DPP6: variants seen among roughly 807,000 people sequenced by gnomAD.
The protein encoded by DPP6 is A-type potassium channel modulatory protein DPP6.
In DPP6, 69 loss-of-function variants were observed where a neutral mutation model predicts 122.6. That is an observed-to-expected ratio of 0.56 (90% CI 0.46 to 0.69). The LOEUF (loss-of-function observed/expected upper bound fraction) is 0.69. Among genes scored for constraint, DPP6 ranks in the 30% least tolerant of loss-of-function variants. The pLI is 0.00. For synonymous variants in DPP6, 418 were observed against 433.1 expected, an observed-to-expected ratio of 0.97 and a Z score of 0.43; for missense variants, 928 against 1,116.9, an observed-to-expected ratio of 0.83 and a Z score of 2.41.
chr7:154,056,886 A>G (rs548050470), intron 1 of DPP6, among the ~76,000 whole-genome samples: 1 of 152,318 alleles, frequency 6.6e-6, no homozygotes, highest in South Asian at 2.1e-4. Context: ...TTTCAACTGT[A>G]ATTTAAAATT....
chr7:154,017,619 G>T (rs971100177), intron 1 of DPP6, among the ~76,000 whole-genome samples: 2 of 151,080 alleles, frequency 1.3e-5, no homozygotes, highest in African/African-American at 4.9e-5. Context: ...AAGATTGCTT[G>T]AGCCCGGAAT....
At chr7:154,726,930 A>G (rs1842094537) in intron 7 of DPP6, among the ~76,000 whole-genome samples, 1 of 152,150 alleles carries the variant, frequency 6.6e-6, no homozygotes, top group African/African-American at 2.4e-5. Flanking sequence ...TGTCTATATC[A>G]CTATCAGCAT....
chr7:154,564,430 A>T (rs1474884981), intron 4 of DPP6, among the ~76,000 whole-genome samples: 1 of 152,224 alleles, frequency 6.6e-6, no homozygotes, highest in African/African-American at 2.4e-5. Flanking sequence ...TCAAAATTGG[A>T]GAAAAAACAC....
the DPP6 span, among the ~76,000 whole-genome samples, chr7:153,808,159 A>C: frequency 6.6e-6 from 1 of 152,090 alleles, no homozygotes. Context: ...AAGCTAAGGG[A>C]CATACCCATC....
At chr7:154,884,341 CCTA>C (rs1805877660) in intron 21 of DPP6, 1 of 133,750 alleles carries the variant, frequency 7.5e-6, no homozygotes, top group Non-Finnish European at 1.6e-5. Context: ...ATTACATACG[CCTA>C]CTCACACACA....
At chr7:153,764,312 C>T in the DPP6 span, among the ~76,000 whole-genome samples, 1 of 150,148 alleles carries the variant, frequency 6.7e-6, no homozygotes, top group Non-Finnish European at 1.5e-5. Flanking sequence ...TGCTCCTCTT[C>T]TGCACTCGCT....
rs1299829792 is a variant in DPP6, at chr7:154,055,305, AAAC to A, written c.243+2251_243+2253del. 4.5e-5 allele frequency among the ~76,000 whole-genome samples: 6 copies of A among 132,198 alleles called. No homozygotes were observed. In the East Asian group the frequency reaches 8.6e-4, roughly 19 times the overall value. The allele number at this position is 132,198 out of a possible 152,430, so 86.7% of individuals were successfully genotyped here. A position where few individuals can be genotyped will look rare whatever the true frequency, so the allele number is the denominator to read the frequency against. On this transcript the variant is annotated intron_variant, in intron 1 of 25. Coordinates refer to ENST00000377770, the MANE Select transcript of DPP6 (RefSeq NM_130797.4). ...ACAGGCTGAATGTTGCATCCTTTAA[AAAC>A]AACAACAAACTTTTATGCACTCTTC... is the stretch of plus-strand genomic sequence containing the variant.
intron 19 of DPP6, among the ~76,000 whole-genome samples, chr7:154,873,578 G>A (rs1804569141): frequency 6.6e-6 from 1 of 152,172 alleles, no homozygotes; most frequent in Non-Finnish European, 1.5e-5. Context: ...CTCCCTTCCT[G>A]AGGGCTGAGT....
chr7:154,147,852 T>C (rs2150677238), intron 1 of DPP6, among the ~76,000 whole-genome samples: 1 of 152,176 alleles, frequency 6.6e-6, no homozygotes, highest in African/African-American at 2.4e-5. Context: ...CCTATTAATT[T>C]CTGTATTTGA....
At chr7:154,677,406 G>A (rs930879862) in intron 7 of DPP6, among the ~76,000 whole-genome samples, 1 of 151,984 alleles carries the variant, frequency 6.6e-6, no homozygotes, top group Non-Finnish European at 1.5e-5. Context: ...TTTTGCACTC[G>A]TGCTGACTTA....
In DPP6 at chr7:154,648,127, G is replaced by C. The variant is rs554775544; in HGVS notation, c.680+10254G>C. ...AAAAAAAAATTAGCCGGGCATGGTG[G>C]TGGGTGCCTGTAATCCCAGCTACCT... On this transcript the variant is annotated intron_variant, in intron 6 of 25. Coordinates refer to ENST00000377770, the MANE Select transcript of DPP6 (RefSeq NM_130797.4). 3.3e-5 allele frequency among the ~76,000 whole-genome samples: 5 copies of C among 152,072 alleles called. 1 individual carries two copies. In the South Asian group the frequency reaches 1.0e-3, roughly 32 times the overall value.
intron 6 of DPP6, among the ~76,000 whole-genome samples, chr7:154,642,959 T>C (rs539190098): frequency 6.6e-6 from 1 of 152,332 alleles, no homozygotes; most frequent in Admixed American, 6.5e-5. Flanking sequence ...ATTTTGCATC[T>C]AGTGAGTGAT....
intron 1 of DPP6, among the ~76,000 whole-genome samples, chr7:153,970,686 T>A (rs1320598676): frequency 6.6e-6 from 1 of 152,220 alleles, no homozygotes; most frequent in East Asian, 1.9e-4. Context: ...AAAGTAAAGA[T>A]CAAGGATCAT....
At chr7:154,510,893 C>T (rs2129790450) in intron 3 of DPP6, among the ~76,000 whole-genome samples, 1 of 150,234 alleles carries the variant, frequency 6.7e-6, no homozygotes, top group South Asian at 2.1e-4. Context: ...CTCGTGCTCT[C>T]TCTCTCTCTC....
At chr7:153,913,885 T>G (rs1417352263) in intron 1 of DPP6, among the ~76,000 whole-genome samples, 1 of 152,136 alleles carries the variant, frequency 6.6e-6, no homozygotes, top group Non-Finnish European at 1.5e-5. Context: ...CTCTTAACAT[T>G]TGAAAATTAT....
chr7:154,407,478 G>A (rs970474392), intron 1 of DPP6, among the ~76,000 whole-genome samples: 4 of 152,156 alleles, frequency 2.6e-5, no homozygotes, highest in Middle Eastern at 3.2e-3. Context: ...TGCCTTTAAT[G>A]TAGATGTAGA....
chr7:154,608,819 C>G (rs930590972), intron 5 of DPP6, among the ~76,000 whole-genome samples: 4 of 152,178 alleles, frequency 2.6e-5, no homozygotes, highest in Non-Finnish European at 5.9e-5. Flanking sequence ...TTGACAACTA[C>G]CCCTCCCTTC....
At chr7:153,889,106 G>A (rs892291848) in intron 1 of DPP6, among the ~76,000 whole-genome samples, 1 of 152,260 alleles carries the variant, frequency 6.6e-6, no homozygotes, top group African/African-American at 2.4e-5. Context: ...AAGACACCTC[G>A]CAGGGAAGTA....
At chr7:153,776,786 C>T in the DPP6 span, among the ~76,000 whole-genome samples, 1 of 152,130 alleles carries the variant, frequency 6.6e-6, no homozygotes, top group African/African-American at 2.4e-5. Flanking sequence ...AAATTATAGA[C>T]TCACATGTAA....
Sources: gnomAD v4.1 joint callset for allele counts (sites outside exome capture counted in the v4.1 genomes callset) on GRCh38, gnomAD v4.1.1 for gene constraint, MANE v1.5 for transcripts, NCBI Gene and HGNC (gene_info 2026-07-23, HGNC 2026-07-21) for gene names.